Variants in APH1B observed in about 807,000 individuals in gnomAD.
APH1B encodes gamma-secretase subunit APH-1B.
A neutral mutation model predicts 28.2 loss-of-function variants in APH1B; 27 were observed. The observed-to-expected ratio is 0.96, with a 90% CI of 0.70 to 1.32. The LOEUF is 1.32. Among genes scored for constraint, APH1B ranks in the 40% most tolerant of loss-of-function variants. The pLI is 0.00. For missense variants in APH1B, 305 were observed against 313.6 expected (o/e 0.97, Z 0.21); for synonymous variants, 141 against 124.6 (o/e 1.13, Z -0.88).
intron 4 of APH1B, among the ~76,000 whole-genome samples, chr15:63,293,008 A>G (rs999039037): frequency 1.3e-5 from 2 of 152,198 alleles, no homozygotes; most frequent in Non-Finnish European, 2.9e-5. Context: ...CACACGGATG[A>G]ATGGCTAGGC....
chr15:63,296,609 T>C (rs1187597806), intron 4 of APH1B, among the ~76,000 whole-genome samples: 1 of 151,972 alleles, frequency 6.6e-6, no homozygotes, highest in Non-Finnish European at 1.5e-5. Context: ...GTTAGAGCAT[T>C]TGGGGTATAT....
chr15:63,297,855 C>T (rs1184196612), intron 4 of APH1B, among the ~76,000 whole-genome samples: 3 of 152,088 alleles, frequency 2.0e-5, no homozygotes, highest in Admixed American at 6.5e-5. Context: ...CATAGCACGT[C>T]GTGATAGTGA....
chr15:63,287,481 C>CT lies in APH1B; in HGVS notation c.414dup (p.Asp139Ter). 1 of 1,614,096 alleles carries CT rather than the reference C, an allele frequency of 6.2e-7. No individual in the cohort carries two copies. The highest frequency in any genetic ancestry group is 1.3e-5 in the African/African-American group (1 of 75,056). On this transcript the variant is annotated frameshift_variant, in exon 4 of 6. Coordinates refer to ENST00000261879, the MANE Select transcript of APH1B (RefSeq NM_031301.4). LOFTEE classifies it high-confidence loss of function. ...GTATTTTCCTTTGTGAATACCCTAT[C>CT]TGACTCCTTGGGGCCAGGCACAGTG...
intron 2 of APH1B, among the ~76,000 whole-genome samples, chr15:63,281,624 C>T (rs4984238): frequency 0.051 from 7,762 of 151,714 alleles, 311 homozygotes; most frequent in East Asian, 0.16. Context: ...GAATTATCAG[C>T]GTGACAAAAT....
At chr15:63,300,544 G>T (rs956174127) in intron 4 of APH1B, among the ~76,000 whole-genome samples, 1 of 152,126 alleles carries the variant, frequency 6.6e-6, no homozygotes, top group Non-Finnish European at 1.5e-5. Flanking sequence ...CATCTTCAGC[G>T]GTCTCAGCTC....
At chr15:63,284,548 A>G (rs2152593905) in intron 2 of APH1B, among the ~76,000 whole-genome samples, 1 of 145,652 alleles carries the variant, frequency 6.9e-6, no homozygotes, top group Admixed American at 7.0e-5. Flanking sequence ...CTGGCATTGC[A>G]CTAGGTTTGT....
rs768830449 is a variant in APH1B, at chr15:63,287,562, C to G, written c.478+16C>G. On this transcript the variant is annotated intron_variant, in intron 4 of 5. Transcript: ENST00000261879. ...CTTTATTCAGGTATGTGTCTCATAG[C>G]TGTCAACATTCAGGCTTCTAGTCTA... The G allele has an allele frequency of 1.2e-6, 2 of 1,611,952 alleles. No individual in the cohort carries two copies. Among genetic ancestry groups the G allele is most frequent in the Non-Finnish European group, 1.7e-6 (2 of 1,178,798 alleles).
intron 2 of APH1B, among the ~76,000 whole-genome samples, chr15:63,282,923 G>A (rs1373354902): frequency 2.6e-5 from 4 of 152,176 alleles, no homozygotes; most frequent in African/African-American, 7.2e-5. Context: ...AAGATGGTGT[G>A]ATTTAGCAGT....
At chr15:63,289,478 C>G (rs2152595969) in intron 4 of APH1B, among the ~76,000 whole-genome samples, 1 of 152,260 alleles carries the variant, frequency 6.6e-6, no homozygotes, top group East Asian at 1.9e-4. Context: ...TGTAGGGTCA[C>G]TAATTACAGA....
intron 2 of APH1B, among the ~76,000 whole-genome samples, chr15:63,281,309 C>T (rs1188704211): frequency 2.0e-5 from 3 of 152,004 alleles, no homozygotes; most frequent in African/African-American, 7.2e-5. Flanking sequence ...CAAACCTTTC[C>T]AAAAGAAAGG....
chr15:63,283,947 C>G (rs1347274128), intron 2 of APH1B, among the ~76,000 whole-genome samples: 3 of 152,158 alleles, frequency 2.0e-5, no homozygotes, highest in African/African-American at 7.2e-5. Context: ...AAGACCATCT[C>G]TCTTTCCTCA....
At chr15:63,284,845 TG>T (rs1455015706) in intron 2 of APH1B, among the ~76,000 whole-genome samples, 1 of 152,234 alleles carries the variant, frequency 6.6e-6, no homozygotes, top group Non-Finnish European at 1.5e-5. Context: ...TGTGTCCACA[TG>T]GATACAAGTC....
At chr15:63,294,763 A>T (rs1214639943) in intron 4 of APH1B, among the ~76,000 whole-genome samples, 1 of 152,216 alleles carries the variant, frequency 6.6e-6, no homozygotes, top group African/African-American at 2.4e-5. Flanking sequence ...CCCTCACCAA[A>T]GACTTATACT....
Position 63,307,940 on chromosome 15 carries a change from AC to A in APH1B, c.*2160del. The A allele has an allele frequency of 6.6e-6, 1 of 152,372 alleles. No individual in the cohort carries two copies. Among genetic ancestry groups the A allele is most frequent in the Admixed American group, 6.5e-5 (1 of 15,306 alleles). 9.4% of individuals were successfully genotyped at this position (152,372 alleles called of 1,614,324 possible). ...TCCTTTGTTACCTGTGAATGAAGGA[AC>A]TTTGTAATTCTGATTTATCGTAAAA... On this transcript the variant is annotated 3_prime_UTR_variant, in exon 6 of 6. Coordinates refer to ENST00000261879, the MANE Select transcript of APH1B (RefSeq NM_031301.4).
rs201173968 is a variant in APH1B, at chr15:63,302,426, G to A, written c.560G>A (p.Gly187Asp). Residue 187 changes from glycine to aspartate, a missense_variant, in exon 5 of 6, where the codon GGC (glycine) becomes GAC (aspartate). Gly to Asp is a moderately conservative substitution (Grantham distance 94). Transcript: ENST00000261879. ...FFDGCEKKKW[G>D]ILLIVLLTHL... is the part of the protein sequence containing the mutation. ...GATGGCTGTGAGAAGAAAAAGTGGG[G>A]CATCCTCCTTATCGTTCTCCTGACC... 5.0e-6 allele frequency: 8 copies of A among 1,614,034 alleles called. No individual in the cohort carries two copies. In the Middle Eastern group the frequency reaches 8.3e-4, roughly 167 times the overall value.
At chr15:63,285,692 G>A (rs1207650194) in intron 2 of APH1B, among the ~76,000 whole-genome samples, 2 of 152,166 alleles carry the variant, frequency 1.3e-5, no homozygotes, top group South Asian at 2.1e-4. Context: ...GGCTGGTCTC[G>A]AACTCCTGGA....
chr15:63,302,299 G>C lies in APH1B; in HGVS notation c.479-46G>C, dbSNP rs150917137. 9.9e-4 allele frequency: 1,591 copies of C among 1,604,660 alleles called. 7 individuals are homozygous for C. The highest frequency in any genetic ancestry group is 3.7e-3 in the East Asian group (166 of 44,718). ...GTGCACAGTGCCAGGGTCCTCAGTG[G>C]TTCTGATACCTGTAGGAGTGACACT... On this transcript the variant is annotated intron_variant, in intron 4 of 5. Transcript: ENST00000261879.
chr15:63,279,175 T>G lies in APH1B; in HGVS notation c.128T>G (p.Leu43Trp). Reference protein sequence around the residue: ...IFLIAGAFFWLVSLLISSLVW... With the variant: ...IFLIAGAFFWWVSLLISSLVW... ...GTATTTTTCAGAGCTTTCTTCTGGTTGGTGTCTCTACTGATTTCGTCCCTT... is the reference window on the plus strand; with the variant it reads ...GTATTTTTCAGAGCTTTCTTCTGGTGGGTGTCTCTACTGATTTCGTCCCTT... The change falls in exon 2 of 6, where the codon TTG becomes TGG. Residue 43 changes from leucine to tryptophan, a missense_variant. Physicochemically the swap from Leu to Trp is moderately conservative, Grantham distance 61. Coordinates refer to ENST00000261879, the MANE Select transcript of APH1B (RefSeq NM_031301.4). 6.3e-7 allele frequency: 1 copy of G among 1,597,904 alleles called. No individual in the cohort carries two copies. Among genetic ancestry groups the G allele is most frequent in the South Asian group, 1.1e-5 (1 of 89,880 alleles).
intron 4 of APH1B, among the ~76,000 whole-genome samples, chr15:63,300,247 A>T (rs2038612352): frequency 6.6e-6 from 1 of 150,982 alleles, no homozygotes; most frequent in Non-Finnish European, 1.5e-5. Flanking sequence ...AAAAACAGTT[A>T]AAAAAAAACA....
Sources: allele counts gnomAD v4.1 joint callset (sites outside exome capture counted in the v4.1 genomes callset), GRCh38; gene constraint gnomAD v4.1.1; transcripts MANE v1.5; gene names NCBI Gene and HGNC (gene_info 2026-07-23, HGNC 2026-07-21).